Variants in NEIL3 observed in about 807,000 individuals in gnomAD.
NEIL3 encodes the protein endonuclease 8-like 3.
NEIL3 carries 48 observed loss-of-function variants against 57.5 expected under a neutral mutation model. The observed-to-expected ratio is 0.83, with a 90% CI of 0.66 to 1.06. NEIL3 has a LOEUF of 1.06. Ranked by LOEUF, NEIL3 falls within the 50% of genes least tolerant of loss-of-function variation. NEIL3 has a pLI of 0.00. For missense variants in NEIL3, 717 were observed against 739.1 expected, an observed-to-expected ratio of 0.97 and a Z score of 0.35; for synonymous variants, 261 against 253.2, an observed-to-expected ratio of 1.03 and a Z score of -0.29.
chr4:177,311,239 A>G (rs976844255), intron 1 of NEIL3, among the ~76,000 whole-genome samples: 16 of 152,190 alleles, frequency 1.1e-4, no homozygotes, highest in Admixed American at 9.2e-4. Context: ...TTTGGAGCCT[A>G]TACTTCAGTT....
intron 6 of NEIL3, among the ~76,000 whole-genome samples, chr4:177,345,841 T>C (rs183068473): frequency 1.5e-4 from 23 of 151,578 alleles, no homozygotes; most frequent in African/African-American, 4.8e-4. Context: ...AGGTGCATGC[T>C]ACCACACCTG....
At chr4:177,339,513 G>C (rs181685276) in intron 4 of NEIL3, among the ~76,000 whole-genome samples, 2 of 152,032 alleles carry the variant, frequency 1.3e-5, no homozygotes, top group Non-Finnish European at 2.9e-5. Flanking sequence ...AGTGGAAGTC[G>C]GTCATCATAA....
chr4:177,350,918 T>G (rs774715454), intron 6 of NEIL3, among the ~76,000 whole-genome samples: 1 of 152,010 alleles, frequency 6.6e-6, no homozygotes, highest in Non-Finnish European at 1.5e-5. Flanking sequence ...GGTGAAAACA[T>G]TTTACTCTGG....
intron 6 of NEIL3, among the ~76,000 whole-genome samples, chr4:177,346,473 A>G (rs1276128765): frequency 6.6e-6 from 1 of 152,210 alleles, no homozygotes; most frequent in Non-Finnish European, 1.5e-5. Context: ...CAGCCGACTC[A>G]GTTGAATTTA....
At chr4:177,363,697 G>T (rs1579012705), downstream of NEIL3, among the ~76,000 whole-genome samples, 1 of 152,148 alleles carries the variant, frequency 6.6e-6, no homozygotes, top group Non-Finnish European at 1.5e-5. Flanking sequence ...GAAACTATAG[G>T]TTATATGATA....
chr4:177,314,646 A>G (rs1734539349), intron 1 of NEIL3, among the ~76,000 whole-genome samples: 1 of 152,158 alleles, frequency 6.6e-6, no homozygotes, highest in African/African-American at 2.4e-5. Flanking sequence ...TAAGTGCTTG[A>G]AGGTCCTGCA....
intron 8 of NEIL3, 99 bp from the exon 9 acceptor site, chr4:177,360,404 T>A: frequency 1.3e-6 from 1 of 779,210 alleles, no homozygotes; most frequent in Non-Finnish European, 1.9e-6. Context: ...TTGATAGAAT[T>A]TCTTGGTACA....
intron 6 of NEIL3, among the ~76,000 whole-genome samples, chr4:177,345,398 A>G (rs554946389): frequency 1.3e-5 from 2 of 152,000 alleles, no homozygotes; most frequent in Non-Finnish European, 2.9e-5. Flanking sequence ...AAAACCATCT[A>G]GTTTGGAAAT....
At chr4:177,364,054 C>A (rs549948893), downstream of NEIL3, among the ~76,000 whole-genome samples, 19 of 152,254 alleles carry the variant, frequency 1.2e-4, no homozygotes, top group African/African-American at 3.9e-4. Context: ...CCTGAAGAAA[C>A]TTTCATCTGA....
At chr4:177,360,743 A>AAT (rs1164361820) in intron 9 of NEIL3, 66 bp downstream of exon 9, 12 of 1,227,818 alleles carry the variant, frequency 9.8e-6, no homozygotes, top group Non-Finnish European at 1.3e-5. Context: ...ATGTATAACA[A>AAT]ATAGCAATAC....
intron 8 of NEIL3, among the ~76,000 whole-genome samples, chr4:177,355,491 TA>T (rs1325527774): frequency 1.3e-5 from 2 of 152,210 alleles, no homozygotes; most frequent in Non-Finnish European, 2.9e-5. Context: ...ATATTTTGTG[TA>T]ATTTTTTTAT....
In NEIL3 at chr4:177,353,357, G is replaced by A; in HGVS notation, c.1089G>A (p.Met363Ile). 1.2e-6 allele frequency: 2 copies of A among 1,613,748 alleles called. No individual in the cohort carries two copies. Among genetic ancestry groups the A allele is most frequent in the Non-Finnish European group, 1.7e-6 (2 of 1,179,876 alleles). ...EENSTVFSHL[M>I]KYPCNTFGKP... Reference sequence around the variant, plus strand: ...ATTCTACTGTCTTTAGCCACTTAATGAAGTACCCGTGTAATACTTTTGGAA... The same window carrying A: ...ATTCTACTGTCTTTAGCCACTTAATAAAGTACCCGTGTAATACTTTTGGAA... Residue 363 changes from methionine (M) to isoleucine (I), a missense_variant, in exon 8 of 10, where the codon ATG becomes ATA. Coordinates refer to ENST00000264596, the MANE Select transcript of NEIL3 (RefSeq NM_018248.3).
At position 177,336,438 on chromosome 4, in the gene NEIL3, C is replaced by T. The variant is rs746831584; in HGVS notation, c.627+117C>T. 97 of 759,282 alleles carry T rather than the reference C, an allele frequency of 1.3e-4. 1 individual carries two copies. The highest frequency in any genetic ancestry group is 3.4e-4 in the Middle Eastern group (1 of 2,956). The allele number at this position is 759,282 out of a possible 1,614,324, so 47.0% of individuals were successfully genotyped here. A position where few individuals can be genotyped will look rare whatever the true frequency, so the allele number is the denominator to read the frequency against. On this transcript the variant is annotated intron_variant, in intron 4 of 9. Transcript: ENST00000264596. ...CAGTCTCATCAGACTTCAGGTGTCC[C>T]GCTTCCCATTTCTACCCAGGTCAAT...
intron 1 of NEIL3, among the ~76,000 whole-genome samples, chr4:177,321,274 A>G (rs1333653603): frequency 1.3e-5 from 2 of 152,204 alleles, no homozygotes; most frequent in South Asian, 2.1e-4. Context: ...CCTTAGGCCC[A>G]TTTGAGAAAA....
chr4:177,358,117 C>T (rs1465332480), intron 8 of NEIL3, among the ~76,000 whole-genome samples: 1 of 152,082 alleles, frequency 6.6e-6, no homozygotes, highest in African/African-American at 2.4e-5. Flanking sequence ...TGCTTCATAA[C>T]TTAATGTGCA....
chr4:177,321,977 T>C (rs562496363), intron 1 of NEIL3, among the ~76,000 whole-genome samples: 10 of 152,354 alleles, frequency 6.6e-5, no homozygotes, highest in African/African-American at 1.9e-4. Context: ...GACCTTTTAT[T>C]ATTTCATACT....
Position 177,335,774 on chromosome 4 carries a change from A to C in NEIL3, c.365A>C (p.Gln122Pro). The part of the protein sequence containing the change: ...KNGASPVLEV[Q>P]LTKDLICFFD... ...GGAGCTTCTCCTGTTTTGGAAGTGC[A>C]GCTCACCAAAGATTTGATTTGTTTC... Residue 122 changes from glutamine to proline, a missense_variant, in exon 3 of 10, where the codon CAG (glutamine) becomes CCG (proline). Physicochemically the swap from Gln to Pro is moderately conservative, Grantham distance 76. Transcript: ENST00000264596. The C allele has an allele frequency of 1.3e-6, 2 of 1,586,530 alleles. No homozygotes were observed. Among genetic ancestry groups the C allele is most frequent in the South Asian group, 2.3e-5 (2 of 85,300 alleles).
At chr4:177,357,707 T>C (rs1735506037) in intron 8 of NEIL3, among the ~76,000 whole-genome samples, 1 of 152,140 alleles carries the variant, frequency 6.6e-6, no homozygotes, top group African/African-American at 2.4e-5. Context: ...CCACCACCTG[T>C]TTGTGTAAAG....
intron 6 of NEIL3, 90 bp from the exon 7 acceptor site, chr4:177,351,290 G>A: frequency 1.4e-6 from 1 of 710,866 alleles, no homozygotes; most frequent in Non-Finnish European, 2.3e-6. Flanking sequence ...GATAGCATTG[G>A]GGTATTAATG....
Sources: allele counts gnomAD v4.1 joint callset (sites outside exome capture counted in the v4.1 genomes callset), GRCh38; gene constraint gnomAD v4.1.1; transcripts MANE v1.5; gene names NCBI Gene and HGNC (gene_info 2026-07-23, HGNC 2026-07-21).